The following SUGP1 variants were observed in gnomAD, a reference collection of about 807,000 sequenced individuals.
The protein encoded by SUGP1 is SURP and G-patch domain containing 1, also known as SURP and G-patch domain-containing protein 1.
Under a neutral mutation model 76.5 loss-of-function variants are expected in SUGP1, and 34 were observed. That is an observed-to-expected ratio of 0.44 (90% CI 0.34 to 0.59). The LOEUF is 0.59. Ranked by LOEUF, SUGP1 falls within the 20% of genes least tolerant of loss-of-function variation. The pLI is 0.01. For synonymous variants in SUGP1, 326 were observed against 326.2 expected, an observed-to-expected ratio of 1.00 and a Z score of 0.01; for missense variants, 752 against 851.7, an observed-to-expected ratio of 0.88 and a Z score of 1.46.
At chr19:19,305,736 C>T in intron 4 of SUGP1, 113 bp downstream of exon 4, 1 of 1,079,776 alleles carries the variant, frequency 9.3e-7, no homozygotes, top group Non-Finnish European at 1.3e-6. Context: ...CTGGTGGCTG[C>T]AACTCAGCCG....
chr19:19,278,654 T>C (rs1266370723), intron 11 of SUGP1, 36 bp downstream of exon 11: 2 of 1,568,356 alleles, frequency 1.3e-6, no homozygotes, highest in Non-Finnish European at 1.7e-6. Flanking sequence ...GGCTGGCATG[T>C]GGCAGAGGCT....
intron 3 of SUGP1, 29 bp from the exon 4 acceptor site, chr19:19,306,105 C>T (rs552423292): frequency 3.4e-5 from 52 of 1,511,240 alleles, no homozygotes; most frequent in Middle Eastern, 3.8e-4. Context: ...TATGCGCACT[C>T]GGGATCTGCA....
At chr19:19,290,098 G>A (rs1441298937) in intron 8 of SUGP1, among the ~76,000 whole-genome samples, 1 of 152,120 alleles carries the variant, frequency 6.6e-6, no homozygotes, top group East Asian at 1.9e-4. Context: ...TAAGAAGGTG[G>A]TAGACTGGCA....
At chr19:19,320,416 G>A (rs35574663) in intron 1 of SUGP1, 47 bp downstream of exon 1, 1 of 1,601,436 alleles carries the variant, frequency 6.2e-7, no homozygotes, top group Non-Finnish European at 8.5e-7. Flanking sequence ...GAGACACCTA[G>A]CCCCAGGGAC....
chr19:19,312,231 A>T (rs2061357854), intron 2 of SUGP1, among the ~76,000 whole-genome samples: 1 of 152,034 alleles, frequency 6.6e-6, no homozygotes, highest in South Asian at 2.1e-4. Context: ...TTTAAAAAAA[A>T]ATAAAAAGAA....
chr19:19,303,973 G>A (rs989094499), intron 4 of SUGP1, 126 bp from the exon 5 acceptor site: 8 of 1,596,384 alleles, frequency 5.0e-6, no homozygotes, highest in Admixed American at 3.3e-5. Flanking sequence ...GGAGGCTGTC[G>A]GGCGTCCCGA....
chr19:19,320,331 C>T (rs2061433423), intron 1 of SUGP1, 132 bp downstream of exon 1: 1 of 975,162 alleles, frequency 1.0e-6, no homozygotes, highest in Non-Finnish European at 1.5e-6. Flanking sequence ...GGTGCAGAAG[C>T]CGACGCTGTG....
At chr19:19,286,901 G>A (rs2061144546) in intron 8 of SUGP1, among the ~76,000 whole-genome samples, 1 of 151,882 alleles carries the variant, frequency 6.6e-6, no homozygotes, top group Non-Finnish European at 1.5e-5. Flanking sequence ...AAACTAGCTG[G>A]CCGTGGTGGC....
At chr19:19,298,861 C>A (rs1323778907) in intron 7 of SUGP1, among the ~76,000 whole-genome samples, 1 of 152,142 alleles carries the variant, frequency 6.6e-6, no homozygotes, top group African/African-American at 2.4e-5. Context: ...CTGGTCTCAG[C>A]TGGTGCTTCA....
intron 7 of SUGP1, among the ~76,000 whole-genome samples, chr19:19,300,168 TG>T (rs1425747210): frequency 6.6e-6 from 1 of 152,108 alleles, no homozygotes; most frequent in Non-Finnish European, 1.5e-5. Context: ...CTTTGCCTCC[TG>T]GGTTCAAGTG....
At chr19:19,305,036 G>A (rs993911393) in intron 4 of SUGP1, among the ~76,000 whole-genome samples, 9 of 152,164 alleles carry the variant, frequency 5.9e-5, no homozygotes, top group African/African-American at 2.2e-4. Flanking sequence ...GTTCCCAACA[G>A]GGTACCCTTG....
chr19:19,307,900 G>C (rs768068922), intron 3 of SUGP1, among the ~76,000 whole-genome samples: 1 of 152,162 alleles, frequency 6.6e-6, no homozygotes, highest in Non-Finnish European at 1.5e-5. Flanking sequence ...CCTGACTTGA[G>C]GAGGTCCACC....
chr19:19,278,210 G>A (rs1192168066), intron 11 of SUGP1, among the ~76,000 whole-genome samples: 1 of 152,168 alleles, frequency 6.6e-6, no homozygotes, highest in East Asian at 1.9e-4. Context: ...TGTTGTACAA[G>A]GTACTAATAA....
rs370347762 is a variant in SUGP1 at position 19,303,712 on chromosome 19, G to A, written c.662+12C>T. 27 of 1,613,960 alleles carry A rather than the reference G, an allele frequency of 1.7e-5. No individual in the cohort carries two copies. In the African/African-American group the frequency reaches 1.7e-4, roughly 10 times the overall value. On this transcript the variant is annotated intron_variant, in intron 5 of 13. Coordinates refer to ENST00000247001, the MANE Select transcript of SUGP1 (RefSeq NM_172231.4). ...TCAACAGCACAGCCTTCCCTTCCCC[G>A]GAGATACTCACGCAAATGCTGGGTT...
At chr19:19,318,873 A>C (rs180865275) in intron 1 of SUGP1, among the ~76,000 whole-genome samples, 1 of 152,316 alleles carries the variant, frequency 6.6e-6, no homozygotes, top group African/African-American at 2.4e-5. Context: ...TAGTATGGAG[A>C]CAGGGAAGAC....
At chr19:19,311,726 CA>C (rs55707664) in intron 2 of SUGP1, among the ~76,000 whole-genome samples, 352 of 77,268 alleles carry the variant, frequency 4.6e-3, no homozygotes, top group African/African-American at 5.8e-3. Flanking sequence ...GACTCTGTCT[CA>C]AAAAAAAAAA....
At chr19:19,280,939 C>T (rs1229335988) in intron 8 of SUGP1, 2 of 152,326 alleles carry the variant, frequency 1.3e-5, no homozygotes, top group South Asian at 2.1e-4. Flanking sequence ...CGGTGCTTCC[C>T]GGGGGAGAAG....
chr19:19,297,100 T>C lies in SUGP1; in HGVS notation c.1132A>G (p.Thr378Ala). ...AAPGKPASAA[T>A]VKRKRKSRWG... ...CGGCTCTTCCGCTTCCTCTTCACGG[T>C]GGCTGCGGAGGCTGGCTTCCCGGGG... Residue 378 changes from threonine (T) to alanine (A), a missense_variant, in exon 8 of 14, where the codon ACC (threonine) becomes GCC (alanine). Around this residue, in one of 2 missense-constraint regions of SUGP1, gnomAD observed 620 missense variants for 617.3 expected, o/e 1.00. Coordinates refer to ENST00000247001, the MANE Select transcript of SUGP1 (RefSeq NM_172231.4). 6.2e-7 allele frequency: 1 copy of C among 1,613,830 alleles called. No individual in the cohort carries two copies. Among genetic ancestry groups the C allele is most frequent in the Non-Finnish European group, 8.5e-7 (1 of 1,179,866 alleles).
At chr19:19,297,372 G>A in intron 7 of SUGP1, 28 bp from the exon 8 acceptor site, 1 of 1,349,282 alleles carries the variant, frequency 7.4e-7, no homozygotes. Context: ...GGGGTGCAGT[G>A]TCAGCTGGGC....
Sources: gnomAD v4.1 joint callset for allele counts (sites outside exome capture counted in the v4.1 genomes callset) on GRCh38, gnomAD v4.1.1 for gene constraint, gnomAD v4.1.1 regional missense constraint, MANE v1.5 for transcripts, NCBI Gene and HGNC (gene_info 2026-07-23, HGNC 2026-07-21) for gene names.